Variants in CAB39L observed in about 807,000 individuals in gnomAD.
The protein encoded by CAB39L is calcium-binding protein 39-like.
A neutral mutation model predicts 39.1 loss-of-function variants in CAB39L; 23 were observed. That is an observed-to-expected ratio of 0.59 (90% CI 0.42 to 0.83). The LOEUF (loss-of-function observed/expected upper bound fraction) is 0.83. Among genes scored for constraint, CAB39L ranks in the 40% least tolerant of loss-of-function variants. The pLI, the probability that CAB39L is intolerant of heterozygous loss-of-function variation, is 0.00. For synonymous variants in CAB39L, 126 were observed against 137.2 expected (o/e 0.92, Z 0.57); for missense variants, 366 against 391.9 (o/e 0.93, Z 0.56).
intron 10 of CAB39L, among the ~76,000 whole-genome samples, chr13:49,311,440 A>T (rs182734945): frequency 1.1e-4 from 16 of 152,326 alleles, no homozygotes; most frequent in Admixed American, 3.9e-4. Context: ...TCTAATCATT[A>T]TTTTAGAGTA....
At chr13:49,441,902 T>G (rs1442183745) in intron 1 of CAB39L, among the ~76,000 whole-genome samples, 19 of 152,196 alleles carry the variant, frequency 1.2e-4, no homozygotes, top group Admixed American at 1.2e-3. Flanking sequence ...AGAGTGGGCT[T>G]GCCAGATCAT....
chr13:49,418,919 G>A (rs1164678643), intron 3 of CAB39L, among the ~76,000 whole-genome samples: 2 of 152,146 alleles, frequency 1.3e-5, no homozygotes, highest in African/African-American at 4.8e-5. Context: ...TTCACCTCAT[G>A]TATATTTGAA....
At chr13:49,381,260 C>T (rs1956247953) in intron 4 of CAB39L, among the ~76,000 whole-genome samples, 2 of 152,252 alleles carry the variant, frequency 1.3e-5, no homozygotes, top group South Asian at 4.1e-4. Context: ...TTTTCATATC[C>T]TTAATAGCCT....
chr13:49,434,003 G>C (rs540198239), intron 2 of CAB39L, 83 bp downstream of exon 2: 1 of 335,710 alleles, frequency 3.0e-6, no homozygotes, highest in Non-Finnish European at 5.8e-6. Flanking sequence ...AGTCACCAGC[G>C]ACAATTTCTG....
chr13:49,385,884 T>C (rs1021152173), intron 3 of CAB39L, among the ~76,000 whole-genome samples: 3 of 152,126 alleles, frequency 2.0e-5, no homozygotes, highest in Admixed American at 6.6e-5. Context: ...ATGAAAAAGT[T>C]TGAAATATTG....
chr13:49,374,240 A>G (rs1274646095), intron 5 of CAB39L, among the ~76,000 whole-genome samples: 1 of 152,230 alleles, frequency 6.6e-6, no homozygotes, highest in Admixed American at 6.5e-5. Flanking sequence ...TTATCACAAT[A>G]ACAAATCTTC....
chr13:49,332,139 C>A, intron 9 of CAB39L, 49 bp from the exon 10 acceptor site: 1 of 1,588,550 alleles, frequency 6.3e-7, no homozygotes, highest in South Asian at 1.1e-5. Context: ...CCACCTGATT[C>A]AAAATATAGC....
intron 3 of CAB39L, among the ~76,000 whole-genome samples, chr13:49,391,741 G>A (rs1956492388): frequency 6.6e-6 from 1 of 152,008 alleles, no homozygotes; most frequent in African/African-American, 2.4e-5. Context: ...GAAGTAGGAT[G>A]CAACCACCAG....
chr13:49,342,812 A>T (rs1955042211), intron 8 of CAB39L, among the ~76,000 whole-genome samples: 2 of 152,158 alleles, frequency 1.3e-5, no homozygotes, highest in South Asian at 4.1e-4. Context: ...GATCTCAAAC[A>T]CTCAGCATGA....
intron 3 of CAB39L, among the ~76,000 whole-genome samples, chr13:49,384,345 T>C (rs1956311487): frequency 6.6e-6 from 1 of 152,194 alleles, no homozygotes. Flanking sequence ...TCCCTTGTTA[T>C]TTCCACCATA....
At chr13:49,347,424 T>C (rs939385061) in intron 7 of CAB39L, among the ~76,000 whole-genome samples, 12 of 152,384 alleles carry the variant, frequency 7.9e-5, no homozygotes, top group African/African-American at 2.9e-4. Flanking sequence ...AAGTATTTGC[T>C]TTCCTCCTCT....
intron 3 of CAB39L, among the ~76,000 whole-genome samples, chr13:49,423,819 T>C (rs548214140): frequency 6.6e-6 from 1 of 152,124 alleles, no homozygotes; most frequent in Non-Finnish European, 1.5e-5. Flanking sequence ...ATCTATAAGG[T>C]GAAACAGAAC....
intron 3 of CAB39L, among the ~76,000 whole-genome samples, chr13:49,413,372 G>T (rs528689713): frequency 6.6e-6 from 1 of 152,180 alleles, no homozygotes; most frequent in African/African-American, 2.4e-5. Flanking sequence ...ATTTCCTGAG[G>T]ATTTGTTAGC....
intron 1 of CAB39L, among the ~76,000 whole-genome samples, chr13:49,442,815 A>AAAAAAAAAAAAAAAAAAAC (rs1957561090): frequency 6.7e-6 from 1 of 148,932 alleles, no homozygotes; most frequent in African/African-American, 2.5e-5. Flanking sequence ...AAAAAAAAAA[A>AAAAAAAAAAAAAAAAAAAC]AAAACATCAA....
intron 3 of CAB39L, among the ~76,000 whole-genome samples, chr13:49,399,308 A>G (rs1956714703): frequency 6.6e-6 from 1 of 152,074 alleles, no homozygotes; most frequent in Non-Finnish European, 1.5e-5. Flanking sequence ...AGATCTCAAA[A>G]ACAGTGCAAT....
intron 3 of CAB39L, among the ~76,000 whole-genome samples, chr13:49,424,793 G>C (rs1957219249): frequency 6.6e-6 from 1 of 152,002 alleles, no homozygotes; most frequent in African/African-American, 2.4e-5. Context: ...GGAAAATAAA[G>C]GAATACATGA....
chr13:49,382,600 T>C lies in CAB39L; in HGVS notation c.111+200A>G, dbSNP rs1407602. On this transcript the variant is annotated intron_variant, in intron 4 of 10. Transcript: ENST00000409308. ...AGGGATCCGGTGTGGTCAGAGTCTC[T>C]AGAGAGTGAACCTAAAGTTCATCAC... 2,764 of 486,420 alleles carry C rather than the reference T, an allele frequency of 5.7e-3. 69 individuals are homozygous for C. The highest frequency in any genetic ancestry group is 0.049 in the African/African-American group (2,462 of 50,092). The allele number at this position is 486,420 out of a possible 1,614,324, so 30.1% of individuals were successfully genotyped here. A position where few individuals can be genotyped will look rare whatever the true frequency, so the allele number is the denominator to read the frequency against.
chr13:49,442,504 T>C (rs1957542982), intron 1 of CAB39L, among the ~76,000 whole-genome samples: 1 of 152,066 alleles, frequency 6.6e-6, no homozygotes, highest in African/African-American at 2.4e-5. Flanking sequence ...AGAAAAATGA[T>C]TCTCAGGCCA....
At chr13:49,339,955 G>A (rs1375871341) in intron 8 of CAB39L, among the ~76,000 whole-genome samples, 2 of 152,182 alleles carry the variant, frequency 1.3e-5, no homozygotes, top group African/African-American at 4.8e-5. Context: ...GATAAAAACT[G>A]AGTAATTTTG....
Sources: allele counts gnomAD v4.1 joint callset (sites outside exome capture counted in the v4.1 genomes callset), GRCh38; gene constraint gnomAD v4.1.1; transcripts MANE v1.5; gene names NCBI Gene and HGNC (gene_info 2026-07-23, HGNC 2026-07-21).